The following MDC1 variants were observed in gnomAD, a reference collection of about 807,000 sequenced individuals.
MDC1 encodes mediator of DNA damage checkpoint protein 1.
Under a neutral mutation model 142.5 loss-of-function variants are expected in MDC1, and 81 were observed. The observed-to-expected ratio is 0.57, with a 90% CI of 0.47 to 0.68. The LOEUF is 0.68. Among genes scored for constraint, MDC1 ranks in the 30% least tolerant of loss-of-function variants. The probability of loss-of-function intolerance (pLI) is 0.00; values close to 1 mark genes in which losing one functional copy is unlikely to be tolerated. For synonymous variants in MDC1, 797 were observed against 968.4 expected, an observed-to-expected ratio of 0.82 and a Z score of 3.29; for missense variants, 2,119 against 2,547.9, an observed-to-expected ratio of 0.83 and a Z score of 3.62.
Position 30,712,027 on chromosome 6 carries a change from G to A in MDC1, c.1915C>T (p.Pro639Ser). 1 of 1,598,298 alleles carries A rather than the reference G, an allele frequency of 6.3e-7. No homozygotes were observed. The highest frequency in any genetic ancestry group is 8.5e-7 in the Non-Finnish European group (1 of 1,172,494). The change falls in exon 5 of 15, where the codon CCT (proline) becomes TCT (serine). Residue 639 changes from proline (P) to serine (S), a missense_variant. Physicochemically the swap from Pro to Ser is moderately conservative, Grantham distance 74. Coordinates refer to ENST00000376406, the MANE Select transcript of MDC1 (RefSeq NM_014641.3). This position sits in a 1 kb window ranked among gnomAD's most constrained non-coding sequence, Gnocchi z 4.7. The stretch of plus-strand genomic sequence containing the variant: ...TCTGTGAGGTTCTCTCTTGAGATAG[G>A]GAGGTCCTGCTCCACTTGTGCCACA... ...PPVAQVEQDL[P>S]ISRENLTDLV...
At chr6:30,711,567 TCTC>T in intron 6 of MDC1, 63 bp from the exon 7 acceptor site, 1 of 1,593,846 alleles carries the variant, frequency 6.3e-7, no homozygotes, top group Non-Finnish European at 8.6e-7. Context: ...CCATTCCTGG[TCTC>T]CTACCCTACC....
In MDC1 at chr6:30,715,254, C is replaced by T; in HGVS notation, c.-3-76G>A. The T allele has an allele frequency of 2.6e-6, 4 of 1,515,590 alleles. No individual in the cohort carries two copies. Among genetic ancestry groups the T allele is most frequent in the Non-Finnish European group, 3.7e-6 (4 of 1,092,870 alleles). 93.9% of individuals were successfully genotyped at this position (1,515,590 alleles called of 1,614,324 possible). ...AGCATCAGAGTTATCAGACTGAAAACTAGGGGGTAAACTGGATCATTATGA... is the reference window on the plus strand; with the variant it reads ...AGCATCAGAGTTATCAGACTGAAAATTAGGGGGTAAACTGGATCATTATGA... On this transcript the variant is annotated intron_variant, in intron 1 of 14. Transcript: ENST00000376406. This position sits in a 1 kb window ranked among gnomAD's most constrained non-coding sequence, Gnocchi z 4.1.
chr6:30,711,549 G>A (rs1774897800), intron 6 of MDC1, 45 bp from the exon 7 acceptor site: 1 of 1,602,160 alleles, frequency 6.2e-7, no homozygotes, highest in Non-Finnish European at 8.5e-7. Flanking sequence ...CCATACTACT[G>A]TAGGGTTCCA....
Position 30,699,972 on chromosome 6 carries a change from A to C in MDC1, c.*493T>G, listed in dbSNP as rs982942803. 4.4e-6 allele frequency: 1 copy of C among 227,288 alleles called. No homozygotes were observed. The highest frequency in any genetic ancestry group is 8.7e-6 in the Non-Finnish European group (1 of 114,368). 14.1% of individuals were successfully genotyped at this position (227,288 alleles called of 1,614,324 possible). On this transcript the variant is annotated 3_prime_UTR_variant, in exon 15 of 15. Coordinates refer to ENST00000376406, the MANE Select transcript of MDC1 (RefSeq NM_014641.3). ...GAAAATGTTTTAGTAGCACTCCATA[A>C]CTGGACCCTCAAATCTACTCACTCC...
rs1182234896 is a variant in MDC1, at chr6:30,704,958, G to C, written c.4225C>G (p.Pro1409Ala). The C allele has an allele frequency of 1.2e-6, 2 of 1,606,868 alleles. No individual in the cohort carries two copies. The highest frequency in any genetic ancestry group is 8.5e-7 in the Non-Finnish European group (1 of 1,176,978). Residue 1409 changes from proline to alanine, a missense_variant, in exon 10 of 15, where the codon CCC (proline) becomes GCC (alanine). Physicochemically the swap from Pro to Ala is conservative, Grantham distance 27. Coordinates refer to ENST00000376406, the MANE Select transcript of MDC1 (RefSeq NM_014641.3). Reference protein sequence around the residue: ...SSGKTPETLVPTAPKLEPSTS... With the variant: ...SSGKTPETLVATAPKLEPSTS... ...GAAGGCTCGAGCTTAGGGGCTGTGG[G>C]GACAAGTGTTTCAGGGGTCTTGCCA...
At chr6:30,701,168 C>T (rs761320077) in intron 14 of MDC1, among the ~76,000 whole-genome samples, 1 of 151,172 alleles carries the variant, frequency 6.6e-6, no homozygotes, top group Non-Finnish European at 1.5e-5. Context: ...TTTGGGAGGC[C>T]GAGGTGGGTG....
In MDC1 at chr6:30,715,271, T is replaced by TAGGGCGGCTACATATCTTTAGTGGTGCC; in HGVS notation, c.-3-94_-3-93insGGCACCACTAAAGATATGTAGCCGCCCT. ...ACTGAAAACTAGGGGGTAAACTGGA[T>TAGGGCGGCTACATATCTTTAGTGGTGCC]CATTATGAACGTTGATGCTTCTCTT... is the stretch of plus-strand genomic sequence containing the variant. On this transcript the variant is annotated intron_variant, in intron 1 of 14. Transcript: ENST00000376406. This position sits in a 1 kb window ranked among gnomAD's most constrained non-coding sequence, Gnocchi z 4.1. 1 of 1,354,572 alleles carries TAGGGCGGCTACATATCTTTAGTGGTGCC rather than the reference T, an allele frequency of 7.4e-7. No individual in the cohort carries two copies. The highest frequency in any genetic ancestry group is 1.1e-6 in the Non-Finnish European group (1 of 951,306). The allele number at this position is 1,354,572 out of a possible 1,614,324, so 83.9% of individuals were successfully genotyped here.
In MDC1 at chr6:30,703,438, G is replaced by C. The variant is rs1336392818; in HGVS notation, c.5662C>G (p.Gln1888Glu). ...SRSLRRTKLNQESTAPKVLFT... is the reference protein window; with the variant it reads ...SRSLRRTKLNEESTAPKVLFT... ...CTTACTTTGGGGGCTGTTGATTCTT[G>C]GTTAAGTTTGGTCCGTCGGAGGCTG... is the stretch of plus-strand genomic sequence containing the variant. Residue 1888 changes from glutamine to glutamate, a missense_variant, in exon 11 of 15, where the codon CAA (glutamine) becomes GAA (glutamate). By Grantham distance (29) the Gln-to-Glu change is conservative. Transcript: ENST00000376406. The surrounding 1 kb of genome is among the most constrained non-coding windows in gnomAD (Gnocchi z 4.4). 2 of 1,613,906 alleles carry C rather than the reference G, an allele frequency of 1.2e-6. No individual in the cohort carries two copies. The highest frequency in any genetic ancestry group is 1.7e-6 in the Non-Finnish European group (2 of 1,180,020).
rs1775068365 is a variant in MDC1 at position 30,712,558 on chromosome 6, G to A, written c.1384C>T (p.Leu462Phe). 5 of 1,613,012 alleles carry A rather than the reference G, an allele frequency of 3.1e-6. No individual in the cohort carries two copies. The highest frequency in any genetic ancestry group is 4.2e-6 in the Non-Finnish European group (5 of 1,180,028). Residue 462 changes from leucine to phenylalanine, a missense_variant, in exon 5 of 15, where the codon CTC becomes TTC. By Grantham distance (22) the Leu-to-Phe change is conservative. Coordinates refer to ENST00000376406, the MANE Select transcript of MDC1 (RefSeq NM_014641.3). This position sits in a 1 kb window ranked among gnomAD's most constrained non-coding sequence, Gnocchi z 4.7. The part of the protein sequence containing the change: ...DSDTDVEEEE[L>F]PVENREAVLK... Reference sequence around the variant, plus strand: ...ACAGCTTCTCTATTTTCCACTGGGAGCTCTTCCTCCTCCACGTCTGTGTCA... The same window carrying A: ...ACAGCTTCTCTATTTTCCACTGGGAACTCTTCCTCCTCCACGTCTGTGTCA...
intron 12 of MDC1, 39 bp from the exon 13 acceptor site, chr6:30,702,916 C>A: frequency 6.2e-7 from 1 of 1,612,150 alleles, no homozygotes; most frequent in Non-Finnish European, 8.5e-7. Context: ...CTCAGCCCAG[C>A]CCCTCAATCA....
At chr6:30,702,487 G>T in intron 14 of MDC1, 66 bp downstream of exon 14, 17 of 1,258,988 alleles carry the variant, frequency 1.4e-5, no homozygotes, top group South Asian at 6.6e-5. Flanking sequence ...TCCAATCTTT[G>T]CCATTCCAGC....
chr6:30,713,337 G>A lies in MDC1; in HGVS notation c.605C>T (p.Ser202Phe), dbSNP rs1273718502. 1.9e-6 allele frequency: 3 copies of A among 1,583,730 alleles called. No individual in the cohort carries two copies. The highest frequency in any genetic ancestry group is 1.4e-5 in the African/African-American group (1 of 73,152). ...IVPESDEEGHSPVLGGLGPPF... is the reference protein window; with the variant it reads ...IVPESDEEGHFPVLGGLGPPF... ...CGGCCCAAGGCCGCCCAGGACCGGGGAATGCCCCTCTTCATCACTGTGAAG... is the reference window on the plus strand; with the variant it reads ...CGGCCCAAGGCCGCCCAGGACCGGGAAATGCCCCTCTTCATCACTGTGAAG... Residue 202 changes from serine to phenylalanine, a missense_variant, in exon 5 of 15, where the codon TCC becomes TTC. Coordinates refer to ENST00000376406, the MANE Select transcript of MDC1 (RefSeq NM_014641.3). The surrounding 1 kb of genome is among the most constrained non-coding windows in gnomAD (Gnocchi z 4.9).
chr6:30,706,106 G>A lies in MDC1; in HGVS notation c.3085-8C>T, dbSNP rs1430401955. On this transcript the variant is annotated splice_polypyrimidine_tract_variant and splice_region_variant and intron_variant, in intron 9 of 14. Transcript: ENST00000376406. ...TGGAGATTCCTGATCGCCCTAGGGAGAAACAGAAGCAAGTGAGGGGGAGGA... is the reference window on the plus strand; with the variant it reads ...TGGAGATTCCTGATCGCCCTAGGGAAAAACAGAAGCAAGTGAGGGGGAGGA... The A allele has an allele frequency of 4.5e-6, 7 of 1,550,630 alleles. No individual in the cohort carries two copies. The highest frequency in any genetic ancestry group is 6.0e-6 in the Non-Finnish European group (7 of 1,158,408).
rs751849036 is a variant in MDC1 at position 30,704,230 on chromosome 6, T to C, written c.4953A>G (p.Lys1651=). 3 of 1,613,348 alleles carry C rather than the reference T, an allele frequency of 1.9e-6. No homozygotes were observed. The Admixed American group carries it at 5.0e-5, about 27-fold the overall frequency. ...GATCAGAGGCTGCTGGTTCAACTGGTTTGGGAGTCTTGACAGAGGACCTAT... is the reference window on the plus strand; with the variant it reads ...GATCAGAGGCTGCTGGTTCAACTGGCTTGGGAGTCTTGACAGAGGACCTAT... The part of the protein sequence containing the change: ...KTNRSSVKTP[K]PVEPAASDLE... Residue 1651 remains lysine (K), a synonymous_variant, in exon 10 of 15, where the codon AAA becomes AAG. Transcript: ENST00000376406.
chr6:30,705,642 C>T lies in MDC1; in HGVS notation c.3541G>A (p.Glu1181Lys). ...STSTDQPVTSEPTSQVTRGRK... is the reference protein window; with the variant it reads ...STSTDQPVTSKPTSQVTRGRK... Reference sequence around the variant, plus strand: ...CCCCTAGTAACCTGAGATGTGGGCTCAGAGGTGACAGGCTGGTCTGTGGAG... The same window carrying T: ...CCCCTAGTAACCTGAGATGTGGGCTTAGAGGTGACAGGCTGGTCTGTGGAG... The change falls in exon 10 of 15, where the codon GAG becomes AAG. Residue 1181 changes from glutamate (E) to lysine (K), a missense_variant. Glu to Lys is a moderately conservative substitution (Grantham distance 56, BLOSUM62 1). Coordinates refer to ENST00000376406, the MANE Select transcript of MDC1 (RefSeq NM_014641.3). 1.2e-6 allele frequency: 2 copies of T among 1,601,732 alleles called. No individual in the cohort carries two copies. The highest frequency in any genetic ancestry group is 1.7e-6 in the Non-Finnish European group (2 of 1,174,880).
chr6:30,704,706 C>CT lies in MDC1; in HGVS notation c.4476dup (p.Ala1493SerfsTer3). 1 of 1,612,208 alleles carries CT rather than the reference C, an allele frequency of 6.2e-7. No homozygotes were observed. The highest frequency in any genetic ancestry group is 8.5e-7 in the Non-Finnish European group (1 of 1,179,268). The stretch of plus-strand genomic sequence containing the variant: ...GAGGCGGAAGCCTGTAGCTCAGGGG[C>CT]TGTGGGGACAACTGTTTCAGGAGTC... On this transcript the variant is annotated frameshift_variant, in exon 10 of 15. Transcript: ENST00000376406. LOFTEE classifies it high-confidence loss of function.
At chr6:30,706,491 G>A (rs181698381) in intron 9 of MDC1, among the ~76,000 whole-genome samples, 1,597 of 151,910 alleles carry the variant, frequency 0.011, 12 homozygotes, top group Non-Finnish European at 0.016. Flanking sequence ...GCGTGGTGGC[G>A]GGCGCCTGTA....
chr6:30,707,414 G>A lies in MDC1; in HGVS notation c.3054C>T (p.Ser1018=), dbSNP rs746700635. 1 of 1,613,116 alleles carries A rather than the reference G, an allele frequency of 6.2e-7. No homozygotes were observed. Among genetic ancestry groups the A allele is most frequent in the African/African-American group, 1.3e-5 (1 of 75,058 alleles). The change falls in exon 9 of 15, where the codon TCC becomes TCT. Residue 1018 remains serine (S), a synonymous_variant. Transcript: ENST00000376406. ...AAACCTTCTCAGCAGCTCTGATCCT[G>A]GAAGCCTTCTCAGCAGGTGGCATCT... ...NCKMPPAEKA[S]RIRAAEKVSR...
chr6:30,708,074 A>C lies in MDC1; in HGVS notation c.2505T>G (p.Thr835=), dbSNP rs754484060. The change falls in exon 8 of 15, where the codon ACT becomes ACG. Residue 835 remains threonine (T), a synonymous_variant. Coordinates refer to ENST00000376406, the MANE Select transcript of MDC1 (RefSeq NM_014641.3). ...TCTGTCTTTCTGGTAGCAGTTTCTC[A>C]GTTTCTCTCTCCAATGGCCCTCTCT... ...GPERGPLERE[T]EKLLPERQTD... is the part of the protein sequence containing the mutation. 1 of 1,612,850 alleles carries C rather than the reference A, an allele frequency of 6.2e-7. No homozygotes were observed.
Sources: gnomAD v4.1 joint callset for allele counts (sites outside exome capture counted in the v4.1 genomes callset) on GRCh38, gnomAD v4.1.1 for gene constraint, Gnocchi (gnomAD v3.1) non-coding constraint, MANE v1.5 for transcripts, NCBI Gene and HGNC (gene_info 2026-07-23, HGNC 2026-07-21) for gene names.